The following RPH3A variants were observed in gnomAD, a reference collection of about 807,000 sequenced individuals.
RPH3A encodes the protein rabphilin-3A.
A neutral mutation model predicts 102.2 loss-of-function variants in RPH3A; 48 were observed. That is an observed-to-expected ratio of 0.47 (90% CI 0.37 to 0.60). The LOEUF (loss-of-function observed/expected upper bound fraction) is 0.60. RPH3A is among the 20% of genes least tolerant of loss of function. RPH3A has a pLI of 0.00. For synonymous variants in RPH3A, 310 were observed against 324.3 expected, an observed-to-expected ratio of 0.96 and a Z score of 0.47; for missense variants, 781 against 910.1, an observed-to-expected ratio of 0.86 and a Z score of 1.83.
intron 1 of RPH3A, among the ~76,000 whole-genome samples, chr12:112,736,835 C>T (rs1378641777): frequency 6.6e-6 from 1 of 152,062 alleles, no homozygotes; most frequent in Admixed American, 6.6e-5. Flanking sequence ...TGAGGCTCAA[C>T]ATATGTAAAT....
intron 5 of RPH3A, among the ~76,000 whole-genome samples, chr12:112,855,159 T>C (rs1317668415): frequency 6.6e-6 from 1 of 152,104 alleles, no homozygotes; most frequent in Non-Finnish European, 1.5e-5. Flanking sequence ...GGACCTAACT[T>C]CCAAATCCAG....
chr12:112,792,886 G>T (rs2041151825), intron 2 of RPH3A, among the ~76,000 whole-genome samples: 1 of 152,190 alleles, frequency 6.6e-6, no homozygotes, highest in Non-Finnish European at 1.5e-5. Context: ...GGTCAGGCTG[G>T]CCAGAAGGGA....
intron 16 of RPH3A, among the ~76,000 whole-genome samples, chr12:112,886,650 C>T (rs971645155): frequency 5.3e-5 from 8 of 152,096 alleles, no homozygotes; most frequent in Non-Finnish European, 8.8e-5. Flanking sequence ...TTATGACCTG[C>T]CTTTTTTGTG....
At chr12:112,672,686 G>T (rs2040142531) in intron 1 of RPH3A, among the ~76,000 whole-genome samples, 1 of 152,170 alleles carries the variant, frequency 6.6e-6, no homozygotes, top group Admixed American at 6.5e-5. Context: ...TTGTCCTTAG[G>T]GTAAGGTGAA....
At chr12:112,723,466 G>T (rs904527186) in intron 1 of RPH3A, among the ~76,000 whole-genome samples, 3 of 152,082 alleles carry the variant, frequency 2.0e-5, no homozygotes, top group Non-Finnish European at 4.4e-5. Flanking sequence ...TGAAACGGTG[G>T]GCAACTGCAG....
At chr12:112,681,897 T>A (rs2040228668) in intron 1 of RPH3A, among the ~76,000 whole-genome samples, 1 of 152,244 alleles carries the variant, frequency 6.6e-6, no homozygotes, top group African/African-American at 2.4e-5. Flanking sequence ...AATATCGACA[T>A]TTTTTAGCAT....
chr12:112,793,901 C>G (rs1437665144), intron 2 of RPH3A, among the ~76,000 whole-genome samples: 1 of 152,102 alleles, frequency 6.6e-6, no homozygotes, highest in East Asian at 1.9e-4. Flanking sequence ...AGCCACGAGG[C>G]CTCAGGGCAG....
At chr12:112,850,720 G>A (rs1475343627) in intron 5 of RPH3A, 1 of 152,268 alleles carries the variant, frequency 6.6e-6, no homozygotes, top group African/African-American at 2.4e-5. Flanking sequence ...TCAGAGAAGA[G>A]TCAGATGAAA....
intron 13 of RPH3A, among the ~76,000 whole-genome samples, chr12:112,877,419 TACACACACAC>T (rs3038114): frequency 1.3e-4 from 19 of 141,564 alleles, no homozygotes; most frequent in African/African-American, 4.3e-4. Flanking sequence ...CACACACGTA[TACACACACAC>T]ACACACACAC....
At chr12:112,788,106 C>G (rs1430826323), upstream of RPH3A, among the ~76,000 whole-genome samples, 1 of 152,140 alleles carries the variant, frequency 6.6e-6, no homozygotes, top group East Asian at 1.9e-4. Flanking sequence ...AAAGGGTTCT[C>G]CAGAAGCACC....
intron 2 of RPH3A, among the ~76,000 whole-genome samples, chr12:112,812,411 G>A (rs2136123235): frequency 6.6e-6 from 1 of 152,328 alleles, no homozygotes; most frequent in Non-Finnish European, 1.5e-5. Flanking sequence ...ATGAGCTTCT[G>A]AATCCCAAAT....
intron 5 of RPH3A, among the ~76,000 whole-genome samples, chr12:112,862,240 C>T (rs1284404286): frequency 6.6e-6 from 1 of 151,266 alleles, no homozygotes; most frequent in African/African-American, 2.4e-5. Context: ...ACTCAGTCCC[C>T]CCCCCAAAAA....
At chr12:112,685,568 G>A (rs892272547) in intron 1 of RPH3A, among the ~76,000 whole-genome samples, 1 of 152,154 alleles carries the variant, frequency 6.6e-6, no homozygotes, top group Non-Finnish European at 1.5e-5. Context: ...TCACTACCTG[G>A]TTCGCTGCCA....
intron 1 of RPH3A, among the ~76,000 whole-genome samples, chr12:112,705,944 A>G (rs1301441551): frequency 1.3e-5 from 2 of 152,148 alleles, no homozygotes; most frequent in South Asian, 2.1e-4. Context: ...TTGAGACTCT[A>G]TTAGGTGCTG....
chr12:112,630,799 G>A (rs943386370), intron 1 of RPH3A, among the ~76,000 whole-genome samples: 1 of 152,142 alleles, frequency 6.6e-6, no homozygotes, highest in African/African-American at 2.4e-5. Flanking sequence ...AGGCACTGAG[G>A]ACTTTGTGGT....
intron 1 of RPH3A, among the ~76,000 whole-genome samples, chr12:112,773,843 G>T (rs1422714015): frequency 6.6e-6 from 1 of 152,078 alleles, no homozygotes; most frequent in Non-Finnish European, 1.5e-5. Context: ...CACTTTGGGA[G>T]GCCGAGGCAG....
intron 1 of RPH3A, among the ~76,000 whole-genome samples, chr12:112,648,398 C>T (rs1205429255): frequency 5.3e-5 from 8 of 150,366 alleles, no homozygotes; most frequent in South Asian, 2.1e-4. Flanking sequence ...TGTTTGCTTT[C>T]GACTTAGGGT....
intron 1 of RPH3A, among the ~76,000 whole-genome samples, chr12:112,657,186 T>C (rs2040018940): frequency 1.3e-5 from 2 of 152,212 alleles, no homozygotes. Flanking sequence ...ATTTCTCTGA[T>C]GATTAGTGAT....
chr12:112,605,697 CA>C (rs1279483599), intron 1 of RPH3A, among the ~76,000 whole-genome samples: 1 of 152,228 alleles, frequency 6.6e-6, no homozygotes, highest in African/African-American at 2.4e-5. Context: ...TATATCCAAG[CA>C]AGTCTTTCTC....
Sources: gnomAD v4.1 joint callset for allele counts (sites outside exome capture counted in the v4.1 genomes callset) on GRCh38, gnomAD v4.1.1 for gene constraint, MANE v1.5 for transcripts, NCBI Gene and HGNC (gene_info 2026-07-23, HGNC 2026-07-21) for gene names.